The following ARMC2 variants were observed in gnomAD, a reference collection of about 807,000 sequenced individuals.
ARMC2 encodes the protein armadillo repeat containing 2, also known as armadillo repeat-containing protein 2.
Under a neutral mutation model 90.3 loss-of-function variants are expected in ARMC2, and 67 were observed. That is an observed-to-expected ratio of 0.74 (90% CI 0.61 to 0.91). The LOEUF (loss-of-function observed/expected upper bound fraction) is 0.91, where lower values mean the gene tolerates loss of function less well. Among genes scored for constraint, ARMC2 ranks in the 40% least tolerant of loss-of-function variants. ARMC2 has a pLI of 0.00. For missense variants in ARMC2, 920 were observed against 1,030.9 expected, an observed-to-expected ratio of 0.89 and a Z score of 1.47; for synonymous variants, 393 against 393.0, an observed-to-expected ratio of 1.00 and a Z score of 0.00.
chr6:108,911,572 A>C (rs1425394362), intron 9 of ARMC2, among the ~76,000 whole-genome samples: 1 of 152,172 alleles, frequency 6.6e-6, no homozygotes, highest in African/African-American at 2.4e-5. Flanking sequence ...TCCATGCAGC[A>C]ACATGGAAAA....
At chr6:108,869,377 A>G (rs1048795424) in intron 4 of ARMC2, among the ~76,000 whole-genome samples, 11 of 152,090 alleles carry the variant, frequency 7.2e-5, no homozygotes, top group African/African-American at 2.7e-4. Context: ...GTGTGGTGGC[A>G]CGTGCCTGTA....
rs78030788 is a variant in ARMC2, at chr6:108,915,785, T to G, written c.1350+3227T>G. Among the ~76,000 whole-genome samples the G allele has an allele frequency of 7.8e-3, 1,188 of 152,186 alleles. 15 individuals are homozygous for G. The highest frequency in any genetic ancestry group is 0.028 in the African/African-American group (1,160 of 41,518). ...TGAATACCAGCTGCCAAGAGTGGAC[T>G]TGGGGCAACAAGGAGCAGTTGGAGG... On this transcript the variant is annotated intron_variant, in intron 10 of 17. Transcript: ENST00000392644.
chr6:108,854,565 G>A, intron 2 of ARMC2, 80 bp downstream of exon 2: 2 of 1,390,740 alleles, frequency 1.4e-6, no homozygotes, highest in South Asian at 2.6e-5. Context: ...CTTAAGGTTA[G>A]CTTTTAAAAA....
chr6:108,964,450 G>C, intron 16 of ARMC2, 138 bp downstream of exon 16: 1 of 1,045,148 alleles, frequency 9.6e-7, no homozygotes, highest in Non-Finnish European at 1.4e-6. Flanking sequence ...GGCTAAAGAG[G>C]GGGTTTAGAT....
At chr6:109,002,093 T>C in the ARMC2 span, among the ~76,000 whole-genome samples, 6 of 152,296 alleles carry the variant, frequency 3.9e-5, no homozygotes, top group East Asian at 1.2e-3. Flanking sequence ...CATGAAATAC[T>C]AGAAATCAAC....
At chr6:108,906,475 A>AT (rs201890246) in intron 8 of ARMC2, among the ~76,000 whole-genome samples, 115 of 146,090 alleles carry the variant, frequency 7.9e-4, no homozygotes, top group African/African-American at 1.5e-3. Flanking sequence ...TTGTGCCAAC[A>AT]TTTTTTTTTT....
intron 5 of ARMC2, among the ~76,000 whole-genome samples, chr6:108,890,218 A>AAAAACAAACAAAC (rs1562357010): frequency 8.6e-6 from 1 of 116,568 alleles, no homozygotes; most frequent in African/African-American, 3.3e-5. Flanking sequence ...AAAAAAAAAA[A>AAAAACAAACAAAC]AAAAAAAAAA....
intron 17 of ARMC2, among the ~76,000 whole-genome samples, chr6:108,967,914 C>A (rs1317532426): frequency 2.0e-5 from 3 of 152,192 alleles, no homozygotes; most frequent in Non-Finnish European, 1.5e-5. Context: ...ATCTGCCTAG[C>A]CAGGTGCAGG....
chr6:108,859,128 T>C (rs1167385987), intron 3 of ARMC2, among the ~76,000 whole-genome samples: 1 of 152,214 alleles, frequency 6.6e-6, no homozygotes, highest in Non-Finnish European at 1.5e-5. Context: ...GCCTTACTTT[T>C]AAAGTTTTGT....
chr6:108,890,216 A>AC (rs1435763488), intron 5 of ARMC2, among the ~76,000 whole-genome samples: 1,745 of 121,460 alleles, frequency 0.014, 111 homozygotes, highest in East Asian at 0.087. Context: ...AAAAAAAAAA[A>AC]AAAAAAAAAA....
intron 5 of ARMC2, among the ~76,000 whole-genome samples, chr6:108,890,132 G>A (rs1027147555): frequency 1.4e-5 from 2 of 140,292 alleles, no homozygotes; most frequent in African/African-American, 2.7e-5. Context: ...GGAGCTTGCA[G>A]TGAGCCGAGA....
At chr6:108,908,550 G>A (rs1055632611) in intron 8 of ARMC2, among the ~76,000 whole-genome samples, 1 of 152,178 alleles carries the variant, frequency 6.6e-6, no homozygotes, top group Admixed American at 6.5e-5. Flanking sequence ...GTTTGAGCCT[G>A]CTAGTTCAAG....
the ARMC2 span, among the ~76,000 whole-genome samples, chr6:109,030,376 G>A: frequency 6.6e-6 from 1 of 152,216 alleles, no homozygotes; most frequent in African/African-American, 2.4e-5. Context: ...TTATGTAAAG[G>A]TGTAGATTGC....
chr6:109,009,025 T>C, the ARMC2 span: 36 of 1,011,098 alleles, frequency 3.6e-5, no homozygotes, highest in South Asian at 1.3e-3. Flanking sequence ...TTCTGACTTG[T>C]GGAGACTTGT....
chr6:109,039,988 A>G, the ARMC2 span, among the ~76,000 whole-genome samples: 1 of 152,234 alleles, frequency 6.6e-6, no homozygotes, highest in African/African-American at 2.4e-5. Context: ...CAACAGTCAA[A>G]TGAAGGACTG....
At chr6:109,015,728 T>C in the ARMC2 span, among the ~76,000 whole-genome samples, 1 of 152,128 alleles carries the variant, frequency 6.6e-6, no homozygotes, top group Non-Finnish European at 1.5e-5. Context: ...TAGGCGCTAC[T>C]GAAGGTTTTA....
At chr6:108,969,637 T>TAA (rs1277155997) in intron 17 of ARMC2, among the ~76,000 whole-genome samples, 1 of 152,256 alleles carries the variant, frequency 6.6e-6, no homozygotes, top group Non-Finnish European at 1.5e-5. Context: ...ACAAGTATTA[T>TAA]AATGTGAAAC....
In ARMC2 at chr6:108,908,146, G is replaced by A. The variant is rs560633813; in HGVS notation, c.1024-2753G>A. On this transcript the variant is annotated intron_variant, in intron 8 of 17. Coordinates refer to ENST00000392644, the MANE Select transcript of ARMC2 (RefSeq NM_032131.6). ...TTCTGAGTCGGTAGTGCTGGGGGGGGCCTGAGATTCTGCATTCCTAATACA... is the reference window on the plus strand; with the variant it reads ...TTCTGAGTCGGTAGTGCTGGGGGGGACCTGAGATTCTGCATTCCTAATACA... Among the ~76,000 whole-genome samples the A allele has an allele frequency of 4.0e-5, 6 of 151,434 alleles. No homozygotes were observed. The East Asian group carries it at 9.7e-4, about 25-fold the overall frequency.
At chr6:108,853,568 C>T (rs893866857) in intron 1 of ARMC2, among the ~76,000 whole-genome samples, 8 of 152,022 alleles carry the variant, frequency 5.3e-5, no homozygotes, top group African/African-American at 1.9e-4. Flanking sequence ...AGATTTGTCT[C>T]CATGGAACAC....
Sources: gnomAD v4.1 joint callset for allele counts (sites outside exome capture counted in the v4.1 genomes callset) on GRCh38, gnomAD v4.1.1 for gene constraint, MANE v1.5 for transcripts, NCBI Gene and HGNC (gene_info 2026-07-23, HGNC 2026-07-21) for gene names.